The following SORCS3 variants were observed in gnomAD, a reference collection of about 807,000 sequenced individuals.
SORCS3 encodes VPS10 domain-containing receptor SorCS3.
Under a neutral mutation model 146.3 loss-of-function variants are expected in SORCS3, and 57 were observed. That is an observed-to-expected ratio of 0.39 (90% CI 0.31 to 0.49). The LOEUF (loss-of-function observed/expected upper bound fraction) is 0.49, where lower values mean the gene tolerates loss of function less well. Among genes scored for constraint, SORCS3 ranks in the 20% least tolerant of loss-of-function variants. The pLI, the probability that SORCS3 is intolerant of heterozygous loss-of-function variation, is 0.92. For missense variants in SORCS3, 1,341 were observed against 1,575.5 expected (o/e 0.85, Z 2.52); for synonymous variants, 653 against 618.5 (o/e 1.06, Z -0.83).
chr10:104,744,728 T>C (rs1207250144), intron 1 of SORCS3, among the ~76,000 whole-genome samples: 2 of 152,214 alleles, frequency 1.3e-5, no homozygotes, highest in African/African-American at 2.4e-5. Flanking sequence ...CCAGAATGTG[T>C]CACGAACACT....
chr10:105,249,640 G>T (rs901102925), intron 22 of SORCS3, among the ~76,000 whole-genome samples: 3 of 152,132 alleles, frequency 2.0e-5, no homozygotes, highest in African/African-American at 7.2e-5. Context: ...CTAGCACTTT[G>T]GGAGCCGAGG....
intron 1 of SORCS3, among the ~76,000 whole-genome samples, chr10:104,705,513 G>A (rs1231964060): frequency 6.6e-6 from 1 of 152,092 alleles, no homozygotes; most frequent in Admixed American, 6.5e-5. Context: ...AGCTTTTATT[G>A]GTACTCATCT....
chr10:105,130,353 A>G (rs1430967112), intron 7 of SORCS3, among the ~76,000 whole-genome samples: 1 of 152,118 alleles, frequency 6.6e-6, no homozygotes, highest in Non-Finnish European at 1.5e-5. Context: ...TCAGAGGGTC[A>G]GGCATGCTAA....
intron 1 of SORCS3, among the ~76,000 whole-genome samples, chr10:104,721,066 A>G (rs1028911002): frequency 6.6e-6 from 1 of 152,094 alleles, no homozygotes; most frequent in East Asian, 1.9e-4. Flanking sequence ...CTATGTCCTG[A>G]ATGGTATTAC....
chr10:104,886,911 C>T (rs1164089047), intron 2 of SORCS3, among the ~76,000 whole-genome samples: 1 of 152,056 alleles, frequency 6.6e-6, no homozygotes, highest in Non-Finnish European at 1.5e-5. Context: ...ACTTTCCTGC[C>T]TGTGAGCTTA....
chr10:104,681,006 A>G (rs2015966036), intron 1 of SORCS3, among the ~76,000 whole-genome samples: 1 of 152,210 alleles, frequency 6.6e-6, no homozygotes, highest in Non-Finnish European at 1.5e-5. Context: ...CAAACTCCCT[A>G]GGACCCCACC....
At chr10:104,737,283 G>A (rs2016785444) in intron 1 of SORCS3, among the ~76,000 whole-genome samples, 1 of 151,950 alleles carries the variant, frequency 6.6e-6, no homozygotes, top group South Asian at 2.1e-4. Context: ...TAGTCCTTTG[G>A]GTATATACCC....
intron 1 of SORCS3, among the ~76,000 whole-genome samples, chr10:104,726,114 G>C (rs1419349015): frequency 6.6e-6 from 1 of 152,170 alleles, no homozygotes; most frequent in Non-Finnish European, 1.5e-5. Context: ...GGCCATCTTT[G>C]ATCCACCCCA....
At chr10:105,134,384 C>A (rs1290608434) in intron 7 of SORCS3, among the ~76,000 whole-genome samples, 2 of 151,958 alleles carry the variant, frequency 1.3e-5, no homozygotes, top group African/African-American at 4.8e-5. Flanking sequence ...TCTCTCAGTC[C>A]CTTTCTGCTT....
At chr10:105,195,344 C>G (rs2056538083) in intron 14 of SORCS3, among the ~76,000 whole-genome samples, 1 of 152,014 alleles carries the variant, frequency 6.6e-6, no homozygotes, top group Non-Finnish European at 1.5e-5. Flanking sequence ...TTCTCTTTTC[C>G]TAATTCAGAA....
At chr10:105,176,316 G>A (rs968319713) in intron 13 of SORCS3, among the ~76,000 whole-genome samples, 4 of 151,908 alleles carry the variant, frequency 2.6e-5, no homozygotes, top group Non-Finnish European at 5.9e-5. Flanking sequence ...AGTCCGAGTG[G>A]GAGGATTGCT....
chr10:104,827,915 C>T (rs1258694971), intron 1 of SORCS3, among the ~76,000 whole-genome samples: 1 of 152,190 alleles, frequency 6.6e-6, no homozygotes, highest in Non-Finnish European at 1.5e-5. Context: ...ATGAACCAAC[C>T]TCTGCTAGCT....
At chr10:105,098,539 G>A (rs2055761977) in intron 6 of SORCS3, among the ~76,000 whole-genome samples, 1 of 152,162 alleles carries the variant, frequency 6.6e-6, no homozygotes, top group Non-Finnish European at 1.5e-5. Context: ...AGGTACTGGT[G>A]TAAAATCACC....
intron 1 of SORCS3, among the ~76,000 whole-genome samples, chr10:104,764,932 A>G (rs1310783395): frequency 6.6e-6 from 1 of 152,158 alleles, no homozygotes; most frequent in Non-Finnish European, 1.5e-5. Flanking sequence ...TCTGGAGTCT[A>G]AATGCTGAGA....
At chr10:105,027,068 C>A (rs1184729180) in intron 4 of SORCS3, among the ~76,000 whole-genome samples, 1 of 152,216 alleles carries the variant, frequency 6.6e-6, no homozygotes, top group Non-Finnish European at 1.5e-5. Context: ...TTCTCTCTAA[C>A]CTAACCTCTG....
chr10:105,092,814 G>A (rs10748873), intron 6 of SORCS3, among the ~76,000 whole-genome samples: 33,608 of 152,006 alleles, frequency 0.22, 3,921 homozygotes, highest in Admixed American at 0.33. Context: ...ATGGACTAGT[G>A]AGAAGGAAAC....
intron 14 of SORCS3, among the ~76,000 whole-genome samples, chr10:105,192,883 G>A (rs540824341): frequency 1.2e-4 from 19 of 152,242 alleles, no homozygotes; most frequent in Middle Eastern, 3.4e-3. Context: ...CTAGGCAGGC[G>A]AGAGTCAAGT....
chr10:105,078,965 A>G (rs1456346720), intron 5 of SORCS3, among the ~76,000 whole-genome samples: 3 of 152,216 alleles, frequency 2.0e-5, no homozygotes, highest in African/African-American at 7.2e-5. Flanking sequence ...CTTGGGCTCT[A>G]ATAAATGATT....
Position 104,680,843 on chromosome 10 carries a change from G to A in SORCS3, c.627+38889G>A, listed in dbSNP as rs184036302. On this transcript the variant is annotated intron_variant, in intron 1 of 26. Transcript: ENST00000369701. ...GCGCCCTTGTGGAGAGTTCTGAATC[G>A]CTCCTGAGAGCTTCTCTCAAGCACC... Among the ~76,000 whole-genome samples the A allele has an allele frequency of 1.6e-4, 24 of 152,296 alleles. No homozygotes were observed. The East Asian group carries it at 3.9e-3, about 25-fold the overall frequency.
Sources: gnomAD v4.1 joint callset for allele counts (sites outside exome capture counted in the v4.1 genomes callset) on GRCh38, gnomAD v4.1.1 for gene constraint, MANE v1.5 for transcripts, NCBI Gene and HGNC (gene_info 2026-07-23, HGNC 2026-07-21) for gene names.